Variants in TMEM41B observed in about 807,000 individuals in gnomAD.
TMEM41B encodes the protein protein stasimon.
In TMEM41B, 18 loss-of-function variants were observed where a neutral mutation model predicts 31.9. That is an observed-to-expected ratio of 0.56 (90% CI 0.39 to 0.84). The LOEUF (loss-of-function observed/expected upper bound fraction) is 0.84, where lower values mean the gene tolerates loss of function less well. Ranked by LOEUF, TMEM41B falls within the 40% of genes least tolerant of loss-of-function variation. The pLI is 0.00. For missense variants in TMEM41B, 322 were observed against 348.0 expected (o/e 0.93, Z 0.59); for synonymous variants, 144 against 124.3 (o/e 1.16, Z -1.05).
chr11:9,303,440 T>C (rs1271858936), intron 1 of TMEM41B, among the ~76,000 whole-genome samples: 2 of 152,126 alleles, frequency 1.3e-5, no homozygotes, highest in Non-Finnish European at 2.9e-5. Context: ...GTGCCCAGTC[T>C]GCAAAGCATT....
intron 6 of TMEM41B, among the ~76,000 whole-genome samples, chr11:9,283,931 T>A (rs1261134195): frequency 2.6e-5 from 4 of 151,980 alleles, no homozygotes; most frequent in Non-Finnish European, 2.9e-5. Flanking sequence ...ATTACAGGCA[T>A]GTGCCACCAC....
intron 3 of TMEM41B, among the ~76,000 whole-genome samples, chr11:9,290,484 G>A (rs1304783670): frequency 6.6e-6 from 1 of 151,892 alleles, no homozygotes; most frequent in Non-Finnish European, 1.5e-5. Flanking sequence ...AACCAACGTG[G>A]CACACATATA....
Position 9,282,573 on chromosome 11 carries a change from T to C in TMEM41B, c.*851A>G, listed in dbSNP as rs4369406. Reference sequence around the variant, plus strand: ...AATAAAATTAACAAAATAGATAACTTGATATCCTTTCCATATTCAGTCGTC... The same window carrying C: ...AATAAAATTAACAAAATAGATAACTCGATATCCTTTCCATATTCAGTCGTC... On this transcript the variant is annotated 3_prime_UTR_variant, in exon 7 of 7. Transcript: ENST00000528080. 68,670 of 151,800 alleles carry C rather than the reference T, an allele frequency of 0.45. 15,764 individuals carry two copies. Among genetic ancestry groups the C allele is most frequent in the East Asian group, 0.49 (2,546 of 5,170 alleles). 9.4% of individuals were successfully genotyped at this position (151,800 alleles called of 1,614,324 possible). A position where few individuals can be genotyped will look rare whatever the true frequency, so the allele number is the denominator to read the frequency against.
chr11:9,313,023 T>C (rs1853600465), intron 1 of TMEM41B, among the ~76,000 whole-genome samples: 1 of 151,938 alleles, frequency 6.6e-6, no homozygotes, highest in Non-Finnish European at 1.5e-5. Context: ...TAGCTTTAGG[T>C]AAAAATCATG....
chr11:9,314,375 C>T lies in TMEM41B; in HGVS notation c.67G>A (p.Gly23Arg). ...GCGAGACCCCGCGTCCCCGCTGCCCCGTCCCCCACGGGGGTCGTGTGGTGA... is the reference window on the plus strand; with the variant it reads ...GCGAGACCCCGCGTCCCCGCTGCCCTGTCCCCCACGGGGGTCGTGTGGTGA... ...GAHHTTPVGD[G>R]AAGTRGLAAP... The change falls in exon 1 of 7, where the codon GGG becomes AGG. Residue 23 changes from glycine (G) to arginine (R), a missense_variant. This residue lies in a region of TMEM41B where 183 missense variants were observed against 175.3 expected (regional missense o/e 1.04). Transcript: ENST00000528080. 1 of 1,581,314 alleles carries T rather than the reference C, an allele frequency of 6.3e-7. No homozygotes were observed. The highest frequency in any genetic ancestry group is 1.4e-5 in the African/African-American group (1 of 73,852).
In TMEM41B at chr11:9,283,495, G is replaced by C; in HGVS notation, c.805C>G (p.Leu269Val). The change falls in exon 7 of 7, where the codon CTG becomes GTG. Residue 269 changes from leucine to valine, a missense_variant. Physicochemically the swap from Leu to Val is conservative, Grantham distance 32. Around this residue, in one of 3 missense-constraint regions of TMEM41B, gnomAD observed 92 missense variants for 88.0 expected, o/e 1.05. Transcript: ENST00000528080. ...EAVSWNSIFI[L>V]MILAVLSILP... ...ATAGAAAGAACAGCCAAGATCATCA[G>C]AATAAATATTGAGTTCCAGGAAACA... 1 of 1,613,590 alleles carries C rather than the reference G, an allele frequency of 6.2e-7. No individual in the cohort carries two copies.
intron 3 of TMEM41B, among the ~76,000 whole-genome samples, chr11:9,289,053 G>C (rs1412813174): frequency 6.6e-6 from 1 of 152,204 alleles, no homozygotes; most frequent in Non-Finnish European, 1.5e-5. Flanking sequence ...ACCCAGGCTG[G>C]AACGCAGTGG....
At chr11:9,292,186 C>A (rs1240286466) in intron 3 of TMEM41B, among the ~76,000 whole-genome samples, 1 of 152,074 alleles carries the variant, frequency 6.6e-6, no homozygotes, top group African/African-American at 2.4e-5. Flanking sequence ...CTGAAGAAAC[C>A]AGATCATTTG....
chr11:9,292,084 C>G (rs978239842), intron 3 of TMEM41B, among the ~76,000 whole-genome samples: 3 of 152,178 alleles, frequency 2.0e-5, no homozygotes, highest in Admixed American at 6.6e-5. Flanking sequence ...GTCCTAAAGA[C>G]TAGTCTGATC....
At chr11:9,314,274 A>C in intron 1 of TMEM41B, 47 bp downstream of exon 1, 1 of 1,531,724 alleles carries the variant, frequency 6.5e-7, no homozygotes, top group Non-Finnish European at 8.7e-7. Flanking sequence ...CACCCGACAC[A>C]CAGAAGCCTC....
intron 2 of TMEM41B, among the ~76,000 whole-genome samples, chr11:9,297,333 C>T (rs577345917): frequency 6.6e-6 from 1 of 152,302 alleles, no homozygotes; most frequent in Non-Finnish European, 1.5e-5. Context: ...GATCCGCCCA[C>T]CTTGGCCTCC....
rs147084304 is a variant in TMEM41B, at chr11:9,280,898, C to G, written c.*2526G>C. 4 of 152,316 alleles carry G rather than the reference C, an allele frequency of 2.6e-5. No individual in the cohort carries two copies. Among genetic ancestry groups the G allele is most frequent in the Non-Finnish European group, 5.9e-5 (4 of 68,038 alleles). 9.4% of individuals were successfully genotyped at this position (152,316 alleles called of 1,614,324 possible). ...AATTTACATGGGCATCAGGCCAAGT[C>G]TGTAAATCCGTGAAGACAGGCCATC... is the stretch of plus-strand genomic sequence containing the variant. On this transcript the variant is annotated 3_prime_UTR_variant, in exon 7 of 7. Coordinates refer to ENST00000528080, the MANE Select transcript of TMEM41B (RefSeq NM_015012.4).
intron 1 of TMEM41B, among the ~76,000 whole-genome samples, chr11:9,312,812 G>A (rs1040977199): frequency 3.3e-5 from 5 of 150,772 alleles, no homozygotes; most frequent in African/African-American, 1.2e-4. Flanking sequence ...GCTGAGGCAG[G>A]AGAATGGCGT....
At chr11:9,308,070 G>C (rs1853445056) in intron 1 of TMEM41B, among the ~76,000 whole-genome samples, 1 of 152,118 alleles carries the variant, frequency 6.6e-6, no homozygotes, top group Non-Finnish European at 1.5e-5. Flanking sequence ...ACAGAGGCGA[G>C]ACACAGTGGC....
chr11:9,281,936 CAAAT>C lies in TMEM41B; in HGVS notation c.*1484_*1487del, dbSNP rs1852726641. The C allele has an allele frequency of 1.3e-5, 2 of 152,214 alleles. No individual in the cohort carries two copies. The highest frequency in any genetic ancestry group is 1.3e-4 in the Admixed American group (2 of 15,284). The allele number at this position is 152,214 out of a possible 1,614,324, so 9.4% of individuals were successfully genotyped here. ...ATGAGGTAAAATTTAGTCATTGGAA[CAAAT>C]AAACTATATTTAATCACTTGTGTTT... is the stretch of plus-strand genomic sequence containing the variant. On this transcript the variant is annotated 3_prime_UTR_variant, in exon 7 of 7. Transcript: ENST00000528080.
In TMEM41B at chr11:9,283,496, A is replaced by G. The variant is rs1852767790; in HGVS notation, c.804T>C (p.Ile268=). Residue 268 remains isoleucine (I), a synonymous_variant, in exon 7 of 7, where the codon ATT becomes ATC. Transcript: ENST00000528080. Reference sequence around the variant, plus strand: ...TAGAAAGAACAGCCAAGATCATCAGAATAAATATTGAGTTCCAGGAAACAG... The same window carrying G: ...TAGAAAGAACAGCCAAGATCATCAGGATAAATATTGAGTTCCAGGAAACAG... ...GEAVSWNSIF[I]LMILAVLSIL... is the part of the protein sequence containing the mutation. 2 of 1,613,792 alleles carry G rather than the reference A, an allele frequency of 1.2e-6. No homozygotes were observed. The highest frequency in any genetic ancestry group is 1.1e-5 in the South Asian group (1 of 91,012).
chr11:9,297,740 G>A (rs1350181123), intron 2 of TMEM41B, among the ~76,000 whole-genome samples: 1 of 151,916 alleles, frequency 6.6e-6, no homozygotes, highest in Non-Finnish European at 1.5e-5. Flanking sequence ...CTCGCTATGT[G>A]ACCCAGGCTG....
At chr11:9,313,279 TGA>T (rs547784825) in intron 1 of TMEM41B, among the ~76,000 whole-genome samples, 36 of 133,604 alleles carry the variant, frequency 2.7e-4, no homozygotes, top group African/African-American at 7.9e-4. Flanking sequence ...AACATAAGGC[TGA>T]CAGAGCCAAA....
chr11:9,310,585 C>T (rs1017176412), intron 1 of TMEM41B, among the ~76,000 whole-genome samples: 5 of 150,382 alleles, frequency 3.3e-5, no homozygotes, highest in Admixed American at 1.3e-4. Flanking sequence ...ATACATAGGT[C>T]GGGGCAAACA....
Sources: gnomAD v4.1 joint callset for allele counts (sites outside exome capture counted in the v4.1 genomes callset) on GRCh38, gnomAD v4.1.1 for gene constraint, gnomAD v4.1.1 regional missense constraint, MANE v1.5 for transcripts, NCBI Gene and HGNC (gene_info 2026-07-23, HGNC 2026-07-21) for gene names.